Variants in NDUFA10 observed in about 807,000 individuals in gnomAD.
NDUFA10 encodes NADH:ubiquinone oxidoreductase subunit A10.
A neutral mutation model predicts 47.8 loss-of-function variants in NDUFA10; 40 were observed. The ratio of observed to expected loss-of-function variants is 0.84; its 90% CI spans 0.65 to 1.09. The LOEUF is 1.09. Ranked by LOEUF, NDUFA10 falls within the 50% of genes least tolerant of loss-of-function variation. The probability of loss-of-function intolerance (pLI) is 0.00; values close to 1 mark genes in which losing one functional copy is unlikely to be tolerated. For synonymous variants in NDUFA10, 183 were observed against 172.2 expected (o/e 1.06, Z -0.49); for missense variants, 413 against 451.1 (o/e 0.92, Z 0.76).
intron 4 of NDUFA10, chr2:240,018,289 C>T (rs1347559238): frequency 3.0e-6 from 3 of 984,336 alleles, no homozygotes; most frequent in East Asian, 2.6e-5. Context: ...GGGGGCTGCA[C>T]TTTAAGCTGC....
intron 5 of NDUFA10, chr2:239,895,106 A>C (rs1574758607): frequency 3.8e-6 from 1 of 265,780 alleles, no homozygotes. Flanking sequence ...TCTTGCCTTC[A>C]CCCTCTCTTC....
intron 4 of NDUFA10, among the ~76,000 whole-genome samples, chr2:239,942,369 T>C (rs112047213): frequency 0.038 from 5,786 of 152,324 alleles, 176 homozygotes; most frequent in African/African-American, 0.075. Flanking sequence ...AGCTCCCAGG[T>C]GGAGGCTGGG....
At chr2:240,021,793 G>A (rs1441486331) in intron 2 of NDUFA10, among the ~76,000 whole-genome samples, 10 of 152,164 alleles carry the variant, frequency 6.6e-5, no homozygotes, top group Admixed American at 6.5e-4. Context: ...ACCCAGCTAT[G>A]TGGCATCTGC....
intron 4 of NDUFA10, among the ~76,000 whole-genome samples, chr2:239,905,706 G>A (rs1415975042): frequency 1.3e-5 from 2 of 152,050 alleles, no homozygotes; most frequent in Admixed American, 6.5e-5. Context: ...GAGAGCTTCC[G>A]AGGAAAGGTA....
At chr2:239,990,823 C>A (rs1401689712) in intron 8 of NDUFA10, among the ~76,000 whole-genome samples, 3 of 152,116 alleles carry the variant, frequency 2.0e-5, no homozygotes, top group East Asian at 1.9e-4. Context: ...TACTTTGTTA[C>A]AATTTGCTTA....
downstream of NDUFA10, among the ~76,000 whole-genome samples, chr2:239,953,842 CCG>C (rs1216124161): frequency 6.6e-6 from 1 of 152,242 alleles, no homozygotes; most frequent in Admixed American, 6.5e-5. Flanking sequence ...AAAATAGACT[CCG>C]CTTCCAAACC....
chr2:239,994,115 C>T (rs1018025696), intron 8 of NDUFA10, among the ~76,000 whole-genome samples: 4 of 152,144 alleles, frequency 2.6e-5, no homozygotes, highest in Admixed American at 1.3e-4. Flanking sequence ...ACCTTCCAGA[C>T]GCTGTGTTGA....
At chr2:239,911,353 C>T (rs1693751192) in intron 4 of NDUFA10, among the ~76,000 whole-genome samples, 1 of 151,704 alleles carries the variant, frequency 6.6e-6, no homozygotes, top group Non-Finnish European at 1.5e-5. Context: ...TCCCCTTCCT[C>T]TGTGTAGAAT....
chr2:240,025,188 C>T, intron 1 of NDUFA10, 39 bp downstream of exon 1: 1 of 1,049,000 alleles, frequency 9.5e-7, no homozygotes, highest in Non-Finnish European at 1.2e-6. Context: ...CCCCGCCACC[C>T]TGCCACCCCG....
intron 9 of NDUFA10, among the ~76,000 whole-genome samples, chr2:239,982,444 C>T (rs1695816544): frequency 1.3e-5 from 2 of 152,340 alleles, no homozygotes; most frequent in South Asian, 4.1e-4. Flanking sequence ...TCTTGCTAAA[C>T]CTCAGAACCT....
chr2:239,925,091 G>T (rs940795715), intron 4 of NDUFA10, among the ~76,000 whole-genome samples: 2 of 152,146 alleles, frequency 1.3e-5, no homozygotes, highest in Non-Finnish European at 2.9e-5. Context: ...CCACATTCAT[G>T]AATTGGAAAA....
intron 4 of NDUFA10, among the ~76,000 whole-genome samples, chr2:239,926,625 T>C (rs918090106): frequency 2.5e-4 from 37 of 146,034 alleles, no homozygotes; most frequent in African/African-American, 9.5e-4. Flanking sequence ...TAAAAAAAAA[T>C]AGATACCTGT....
At chr2:239,964,863 G>A (rs1184415785) in intron 9 of NDUFA10, among the ~76,000 whole-genome samples, 3 of 152,192 alleles carry the variant, frequency 2.0e-5, no homozygotes, top group African/African-American at 7.2e-5. Flanking sequence ...AGAACAGAAA[G>A]TTGACACCTG....
At chr2:239,916,055 C>G (rs1413659882) in intron 4 of NDUFA10, among the ~76,000 whole-genome samples, 1 of 151,388 alleles carries the variant, frequency 6.6e-6, no homozygotes, top group Non-Finnish European at 1.5e-5. Context: ...CAAACATACA[C>G]ACACACATAC....
In NDUFA10 at chr2:239,959,834, A is replaced by G. The variant is rs978701150; in HGVS notation, c.*1284T>C. On this transcript the variant is annotated 3_prime_UTR_variant, in exon 10 of 10. Coordinates refer to ENST00000252711, the MANE Select transcript of NDUFA10 (RefSeq NM_004544.4). ...GGAAGGGAGGGAAGGAGGAGGAAAG[A>G]AGGAGGGAAGGAAGGGGAGAGGGAA... 5.1e-5 allele frequency: 48 copies of G among 935,120 alleles called. No individual in the cohort carries two copies. The highest frequency in any genetic ancestry group is 2.9e-4 in the African/African-American group (16 of 55,840). 57.9% of individuals were successfully genotyped at this position (935,120 alleles called of 1,614,324 possible).
chr2:239,934,839 C>T (rs963630354), intron 4 of NDUFA10, among the ~76,000 whole-genome samples: 1 of 152,184 alleles, frequency 6.6e-6, no homozygotes, highest in South Asian at 2.1e-4. Flanking sequence ...CGCCCCCACC[C>T]GTTTTCCACA....
chr2:239,954,703 TTCAAG>T (rs1332301908), downstream of NDUFA10, among the ~76,000 whole-genome samples: 1 of 152,244 alleles, frequency 6.6e-6, no homozygotes, highest in Non-Finnish European at 1.5e-5. Context: ...TCTGAGGTCT[TTCAAG>T]TCATTTCTGA....
In NDUFA10 at chr2:239,908,708, C is replaced by T. The variant is rs146294166; in HGVS notation, c.295-13394G>A. 3.0e-3 allele frequency among the ~76,000 whole-genome samples: 456 copies of T among 152,350 alleles called. 3 individuals are homozygous for T. Among genetic ancestry groups the T allele is most frequent in the African/African-American group, 0.01 (427 of 41,588 alleles). ...TGTTAACAGAGATCACTCCCTTATT[C>T]GCAATACATGAGGTACACTGAAAAG... On this transcript the variant is annotated intron_variant, in intron 4 of 5. Transcript: ENST00000419408.
chr2:239,974,281 G>A (rs1471581084), intron 9 of NDUFA10, among the ~76,000 whole-genome samples: 1 of 152,166 alleles, frequency 6.6e-6, no homozygotes, highest in Non-Finnish European at 1.5e-5. Flanking sequence ...GTGCCCTAGC[G>A]CTGGGTGTCG....
Sources: gnomAD v4.1 joint callset for allele counts (sites outside exome capture counted in the v4.1 genomes callset) on GRCh38, gnomAD v4.1.1 for gene constraint, MANE v1.5 for transcripts, NCBI Gene and HGNC (gene_info 2026-07-23, HGNC 2026-07-21) for gene names.